Variants in ADARB2 observed in about 807,000 individuals in gnomAD.
ADARB2 encodes inactive double-stranded RNA-specific editase B2.
Under a neutral mutation model 62.2 loss-of-function variants are expected in ADARB2, and 25 were observed. That is an observed-to-expected ratio of 0.40 (90% CI 0.29 to 0.56). The LOEUF (loss-of-function observed/expected upper bound fraction) is 0.56. Among genes scored for constraint, ADARB2 ranks in the 20% least tolerant of loss-of-function variants. The probability of loss-of-function intolerance (pLI) is 0.43; values close to 1 mark genes in which losing one functional copy is unlikely to be tolerated. For missense variants in ADARB2, 1,071 were observed against 1,077.4 expected (o/e 0.99, Z 0.08); for synonymous variants, 572 against 500.8 (o/e 1.14, Z -1.90).
intron 4 of ADARB2, among the ~76,000 whole-genome samples, chr10:1,252,437 A>G (rs537956987): frequency 2.0e-4 from 31 of 152,220 alleles, no homozygotes; most frequent in Non-Finnish European, 3.5e-4. Flanking sequence ...TCCACAGTTT[A>G]TCAGTGCTCA....
At chr10:1,589,429 T>C (rs1377958483) in intron 1 of ADARB2, among the ~76,000 whole-genome samples, 1 of 150,690 alleles carries the variant, frequency 6.6e-6, no homozygotes, top group Non-Finnish European at 1.5e-5. Context: ...AGGGCATCCA[T>C]GGTCGGGGTG....
chr10:1,450,214 G>A (rs1247577124), intron 1 of ADARB2, among the ~76,000 whole-genome samples: 1 of 152,222 alleles, frequency 6.6e-6, no homozygotes, highest in Admixed American at 6.5e-5. Flanking sequence ...TTACAAGCCT[G>A]CTTCTTTTCC....
At chr10:1,525,903 G>A (rs1467949530) in intron 1 of ADARB2, among the ~76,000 whole-genome samples, 6 of 152,138 alleles carry the variant, frequency 3.9e-5, no homozygotes, top group African/African-American at 1.4e-4. Context: ...GTGTGTGAGC[G>A]TGTATGCTCA....
rs558770593 is a variant in ADARB2 at position 1,455,729 on chromosome 10, T to C, written c.101-76569A>G. Among the ~76,000 whole-genome samples the C allele has an allele frequency of 8.4e-4, 128 of 152,354 alleles. 1 individual carries two copies. Among genetic ancestry groups the C allele is most frequent in the Admixed American group, 2.3e-3 (35 of 15,300 alleles). On this transcript the variant is annotated intron_variant, in intron 1 of 9. Coordinates refer to ENST00000381312, the MANE Select transcript of ADARB2 (RefSeq NM_018702.4). ...GATTGTCAATTTCCAAATTTCTTCA[T>C]GGATACAGATTCATTTCTGATTCAT...
chr10:1,282,970 C>T (rs188499130), intron 3 of ADARB2, among the ~76,000 whole-genome samples: 18 of 152,294 alleles, frequency 1.2e-4, no homozygotes, highest in African/African-American at 3.6e-4. Flanking sequence ...TCGGTGCCTA[C>T]GTCAGAAGCT....
intron 8 of ADARB2, among the ~76,000 whole-genome samples, chr10:1,194,864 C>G (rs1381373950): frequency 6.6e-6 from 1 of 152,146 alleles, no homozygotes. Context: ...GAGTGTCTGT[C>G]CTGCTGCCTG....
At chr10:1,548,348 T>C (rs921732509) in intron 1 of ADARB2, among the ~76,000 whole-genome samples, 1 of 152,222 alleles carries the variant, frequency 6.6e-6, no homozygotes, top group African/African-American at 2.4e-5. Context: ...ACTTTCACAA[T>C]GTTAAACAAT....
chr10:1,339,720 C>G (rs1445810113), intron 3 of ADARB2, among the ~76,000 whole-genome samples: 1 of 152,146 alleles, frequency 6.6e-6, no homozygotes, highest in African/African-American at 2.4e-5. Context: ...CTGCTCTGGC[C>G]CCTGCTCTGA....
chr10:1,235,216 G>C (rs1286897688), intron 5 of ADARB2, among the ~76,000 whole-genome samples: 2 of 144,294 alleles, frequency 1.4e-5, no homozygotes, highest in Non-Finnish European at 3.0e-5. Context: ...ATTAAAAGGA[G>C]GAAAAGAGCT....
chr10:1,497,030 T>C (rs1564308263), intron 1 of ADARB2, among the ~76,000 whole-genome samples: 2 of 152,316 alleles, frequency 1.3e-5, no homozygotes, highest in East Asian at 3.9e-4. Flanking sequence ...GCCCTGCCTC[T>C]AGCTGGACCT....
At chr10:1,301,546 G>T (rs780924091) in intron 3 of ADARB2, among the ~76,000 whole-genome samples, 12 of 124,450 alleles carry the variant, frequency 9.6e-5, no homozygotes, top group Non-Finnish European at 1.7e-4. Flanking sequence ...TTCTTTTCTT[G>T]ATGCTTCTCT....
chr10:1,479,010 A>C (rs939624407), intron 1 of ADARB2, among the ~76,000 whole-genome samples: 1 of 152,174 alleles, frequency 6.6e-6, no homozygotes, highest in African/African-American at 2.4e-5. Context: ...CCCAAAAGGT[A>C]AGCCAGCAGT....
intron 1 of ADARB2, among the ~76,000 whole-genome samples, chr10:1,659,918 C>A (rs554252979): frequency 2.7e-5 from 4 of 148,444 alleles, no homozygotes; most frequent in Admixed American, 6.7e-5. Context: ...GCTGTCTCCA[C>A]CCTCTTCCTC....
At chr10:1,619,318 C>T (rs947742036) in intron 1 of ADARB2, among the ~76,000 whole-genome samples, 9 of 145,794 alleles carry the variant, frequency 6.2e-5, no homozygotes, top group South Asian at 2.1e-4. Context: ...AGAAAAAATA[C>T]GCACCATACA....
At chr10:1,587,100 T>C (rs1300225542) in intron 1 of ADARB2, among the ~76,000 whole-genome samples, 1 of 152,246 alleles carries the variant, frequency 6.6e-6, no homozygotes. Context: ...AAAATGATTA[T>C]AACCGCTTGT....
At chr10:1,417,676 C>T (rs975987106) in intron 1 of ADARB2, among the ~76,000 whole-genome samples, 5 of 152,182 alleles carry the variant, frequency 3.3e-5, no homozygotes, top group Admixed American at 1.3e-4. Flanking sequence ...TTTTGCCTCC[C>T]CACTCTTCAC....
intron 1 of ADARB2, among the ~76,000 whole-genome samples, chr10:1,623,720 C>T (rs1392063098): frequency 2.0e-5 from 3 of 151,886 alleles, no homozygotes; most frequent in African/African-American, 2.4e-5. Flanking sequence ...CTCCCGCCTA[C>T]AGGACCAGGG....
At chr10:1,577,278 A>C (rs1214307891) in intron 1 of ADARB2, among the ~76,000 whole-genome samples, 2 of 145,830 alleles carry the variant, frequency 1.4e-5, no homozygotes, top group African/African-American at 5.1e-5. Flanking sequence ...CCTCATGCAC[A>C]CAGAAGGTGG....
intron 1 of ADARB2, among the ~76,000 whole-genome samples, chr10:1,465,954 T>C (rs1831250440): frequency 6.6e-6 from 1 of 152,284 alleles, no homozygotes; most frequent in African/African-American, 2.4e-5. Context: ...TGCTTTCTAC[T>C]TCTGTGTGTC....
Sources: gnomAD v4.1 joint callset for allele counts (sites outside exome capture counted in the v4.1 genomes callset) on GRCh38, gnomAD v4.1.1 for gene constraint, MANE v1.5 for transcripts, NCBI Gene and HGNC (gene_info 2026-07-23, HGNC 2026-07-21) for gene names.